Variants in NRXN3 observed in about 807,000 individuals in gnomAD.
The protein encoded by NRXN3 is neurexin 3.
NRXN3 carries 32 observed loss-of-function variants against 137.6 expected under a neutral mutation model. The observed-to-expected ratio is 0.23, with a 90% CI of 0.18 to 0.31. The LOEUF is 0.31. Ranked by LOEUF, NRXN3 falls within the 10% of genes least tolerant of loss-of-function variation. The probability of loss-of-function intolerance (pLI) is 1.00; values close to 1 mark genes in which losing one functional copy is unlikely to be tolerated. For missense variants in NRXN3, 1,574 were observed against 2,062.5 expected, an observed-to-expected ratio of 0.76 and a Z score of 4.59; for synonymous variants, 798 against 784.5, an observed-to-expected ratio of 1.02 and a Z score of -0.29.
chr14:79,808,908 G>A (rs1385884677), intron 20 of NRXN3, among the ~76,000 whole-genome samples: 4 of 152,212 alleles, frequency 2.6e-5, no homozygotes, highest in South Asian at 2.1e-4. Context: ...GGGTCACCAC[G>A]GTTTGGTATA....
At chr14:79,029,169 G>C (rs2099603364) in intron 15 of NRXN3, among the ~76,000 whole-genome samples, 1 of 151,954 alleles carries the variant, frequency 6.6e-6, no homozygotes, top group South Asian at 2.1e-4. Context: ...AAAGAGAGAG[G>C]AAATATGGTA....
At chr14:79,143,636 G>T (rs1460637181) in intron 15 of NRXN3, among the ~76,000 whole-genome samples, 1 of 152,226 alleles carries the variant, frequency 6.6e-6, no homozygotes, top group Non-Finnish European at 1.5e-5. Flanking sequence ...GAATAAATAT[G>T]ATCTGGCTGA....
intron 16 of NRXN3, among the ~76,000 whole-genome samples, chr14:79,599,865 C>A (rs988356136): frequency 4.6e-5 from 7 of 152,142 alleles, no homozygotes; most frequent in Admixed American, 3.9e-4. Flanking sequence ...TGTGGTGGTA[C>A]ACGCCTGTAA....
chr14:79,345,311 A>G (rs1243926771), intron 15 of NRXN3, among the ~76,000 whole-genome samples: 5 of 152,164 alleles, frequency 3.3e-5, no homozygotes, highest in Non-Finnish European at 7.3e-5. Context: ...TCACTTTGAC[A>G]TTAAGGGAGC....
intron 4 of NRXN3, among the ~76,000 whole-genome samples, chr14:78,631,059 C>T (rs1407536686): frequency 1.3e-5 from 2 of 152,128 alleles, no homozygotes; most frequent in Non-Finnish European, 2.9e-5. Flanking sequence ...TTATCCTAGT[C>T]TCATGTTCAT....
In NRXN3 at chr14:78,256,149, C is replaced by G. The variant is rs531015671; in HGVS notation, c.709+12347C>G. The stretch of plus-strand genomic sequence containing the variant: ...TTATAGGCAGTAGCCAGCCTGGGAC[C>G]ATGTCAATGCAGTGGAATGGCTGTT... On this transcript the variant is annotated intron_variant, in intron 2 of 20. Transcript: ENST00000335750. 2.6e-5 allele frequency among the ~76,000 whole-genome samples: 4 copies of G among 152,176 alleles called. No individual in the cohort carries two copies. In the East Asian group the frequency reaches 7.7e-4, roughly 29 times the overall value.
chr14:79,405,098 A>C (rs984357479), intron 15 of NRXN3, among the ~76,000 whole-genome samples: 2 of 152,156 alleles, frequency 1.3e-5, no homozygotes, highest in Non-Finnish European at 2.9e-5. Flanking sequence ...AAGGCCTGAA[A>C]TATTAACTCT....
intron 19 of NRXN3, among the ~76,000 whole-genome samples, chr14:79,769,986 A>T: frequency 6.6e-6 from 1 of 152,158 alleles, no homozygotes; most frequent in Non-Finnish European, 1.5e-5. Context: ...AGTCTCTGAT[A>T]AAAGAGACTT....
chr14:79,035,833 T>C lies in NRXN3; in HGVS notation c.3262+47692T>C, dbSNP rs558119870. On this transcript the variant is annotated intron_variant, in intron 15 of 20. Transcript: ENST00000335750. The stretch of plus-strand genomic sequence containing the variant: ...TGGATGTAAAATGCATCCTTCTCAA[T>C]TTATTTTTGTTTGTGGGGGATGGAT... Among the ~76,000 whole-genome samples, 5 of 152,246 alleles carry C rather than the reference T, an allele frequency of 3.3e-5. No individual in the cohort carries two copies. In the South Asian group the frequency reaches 1.0e-3, roughly 32 times the overall value.
At chr14:79,278,358 C>T (rs1168286143) in intron 15 of NRXN3, among the ~76,000 whole-genome samples, 1 of 152,142 alleles carries the variant, frequency 6.6e-6, no homozygotes, top group Non-Finnish European at 1.5e-5. Flanking sequence ...GGGTGGATGC[C>T]GCCTAGTCCA....
chr14:79,796,204 T>C (rs1328813086), intron 19 of NRXN3, among the ~76,000 whole-genome samples: 1 of 152,204 alleles, frequency 6.6e-6, no homozygotes, highest in Non-Finnish European at 1.5e-5. Flanking sequence ...TGGTGTGGTT[T>C]GGGTGGGTGA....
At chr14:79,497,291 AC>A (rs1199880640) in intron 16 of NRXN3, among the ~76,000 whole-genome samples, 1 of 151,934 alleles carries the variant, frequency 6.6e-6, no homozygotes, top group African/African-American at 2.4e-5. Context: ...TCCCCCATGA[AC>A]CATTCTGGCC....
chr14:79,305,270 C>G (rs1182884642), intron 15 of NRXN3, among the ~76,000 whole-genome samples: 1 of 152,002 alleles, frequency 6.6e-6, no homozygotes, highest in Non-Finnish European at 1.5e-5. Flanking sequence ...AAATGCCAGT[C>G]ATTATTATTA....
intron 4 of NRXN3, among the ~76,000 whole-genome samples, chr14:78,420,678 G>A (rs1343195567): frequency 6.6e-6 from 1 of 152,160 alleles, no homozygotes; most frequent in East Asian, 1.9e-4. Context: ...TCACACTTAA[G>A]GTCCACTTCA....
At chr14:79,559,574 T>C (rs2097467861) in intron 16 of NRXN3, among the ~76,000 whole-genome samples, 2 of 152,004 alleles carry the variant, frequency 1.3e-5, no homozygotes, top group Admixed American at 6.6e-5. Flanking sequence ...ATAACAGATA[T>C]AATAATAATG....
chr14:78,972,056 A>G (rs927924339), intron 14 of NRXN3, among the ~76,000 whole-genome samples: 1 of 152,118 alleles, frequency 6.6e-6, no homozygotes, highest in African/African-American at 2.4e-5. Flanking sequence ...TTTCTGGGCA[A>G]CTCCTAGTCA....
At chr14:78,468,972 G>C (rs1324143026) in intron 4 of NRXN3, among the ~76,000 whole-genome samples, 1 of 152,038 alleles carries the variant, frequency 6.6e-6, no homozygotes, top group Non-Finnish European at 1.5e-5. Context: ...AGGAAAAGTA[G>C]GTTTATATTA....
At chr14:78,653,168 A>G (rs2097760001) in intron 6 of NRXN3, among the ~76,000 whole-genome samples, 1 of 152,202 alleles carries the variant, frequency 6.6e-6, no homozygotes, top group Non-Finnish European at 1.5e-5. Flanking sequence ...ATCTCTCTGC[A>G]GGATGTTACC....
intron 4 of NRXN3, among the ~76,000 whole-genome samples, chr14:78,633,195 C>T (rs1050817708): frequency 2.9e-5 from 4 of 135,900 alleles, no homozygotes; most frequent in Non-Finnish European, 6.1e-5. Context: ...GCAGAGCTTG[C>T]AGTGAGCCAA....
Sources: allele counts gnomAD v4.1 joint callset (sites outside exome capture counted in the v4.1 genomes callset), GRCh38; gene constraint gnomAD v4.1.1; transcripts MANE v1.5; gene names NCBI Gene and HGNC (gene_info 2026-07-23, HGNC 2026-07-21).